CFAP90: variants seen among roughly 807,000 people sequenced by gnomAD.
CFAP90 encodes cilia and flagella associated protein 90.
At chr5:7,843,916 T>C in the CFAP90 span, among the ~76,000 whole-genome samples, 2 of 152,156 alleles carry the variant, frequency 1.3e-5, no homozygotes. Context: ...AAACATTAGA[T>C]ACGTATCTCG....
At chr5:7,840,837 T>C in the CFAP90 span, among the ~76,000 whole-genome samples, 2 of 151,924 alleles carry the variant, frequency 1.3e-5, no homozygotes, top group Non-Finnish European at 2.9e-5. Flanking sequence ...AAGGAGAAAT[T>C]TGGACATGAA....
the CFAP90 span, among the ~76,000 whole-genome samples, chr5:7,842,313 GA>G: frequency 0.65 from 92,762 of 142,168 alleles, 30,066 homozygotes; most frequent in African/African-American, 0.78. Flanking sequence ...CTACAAGAAA[GA>G]AAAAAAAAAA....
the CFAP90 span, among the ~76,000 whole-genome samples, chr5:7,844,689 T>C: frequency 2.6e-5 from 4 of 152,206 alleles, no homozygotes; most frequent in Admixed American, 1.3e-4. Flanking sequence ...TGGAAAGGCA[T>C]GTAAGCTTAT....
the CFAP90 span, chr5:7,831,948 C>T: frequency 1.6e-5 from 26 of 1,614,020 alleles, no homozygotes; most frequent in Middle Eastern, 4.9e-4. Context: ...CGGCCAAAGT[C>T]CCGGTTTAGG....
At chr5:7,848,327 C>A in the CFAP90 span, among the ~76,000 whole-genome samples, 1 of 152,138 alleles carries the variant, frequency 6.6e-6, no homozygotes, top group Admixed American at 6.5e-5. Context: ...TGCAAATGTC[C>A]CTTTTCCCCC....
At chr5:7,831,958 G>A in the CFAP90 span, 2 of 1,614,066 alleles carry the variant, frequency 1.2e-6, no homozygotes, top group Non-Finnish European at 1.7e-6. Flanking sequence ...CCCGGTTTAG[G>A]GGCTCAATGG....
the CFAP90 span, among the ~76,000 whole-genome samples, chr5:7,834,567 C>A: frequency 6.6e-6 from 1 of 152,150 alleles, no homozygotes; most frequent in Non-Finnish European, 1.5e-5. Flanking sequence ...TAGGCCTTCA[C>A]ATTCACTCAC....
At chr5:7,834,843 G>A in the CFAP90 span, among the ~76,000 whole-genome samples, 1 of 152,074 alleles carries the variant, frequency 6.6e-6, no homozygotes. Context: ...CTAGGTTTGT[G>A]TTAAGTACAC....
chr5:7,838,358 G>A, the CFAP90 span, among the ~76,000 whole-genome samples: 4 of 152,154 alleles, frequency 2.6e-5, no homozygotes, highest in Admixed American at 1.3e-4. Context: ...ACATGATAGA[G>A]AAATCTCGAT....
At chr5:7,843,338 A>T in the CFAP90 span, among the ~76,000 whole-genome samples, 1 of 152,226 alleles carries the variant, frequency 6.6e-6, no homozygotes, top group African/African-American at 2.4e-5. Context: ...TTTTGAAAAG[A>T]CAATACTCAA....
chr5:7,845,975 G>A, the CFAP90 span, among the ~76,000 whole-genome samples: 1 of 121,194 alleles, frequency 8.3e-6, no homozygotes, highest in Non-Finnish European at 1.8e-5. Context: ...CAGCAAACGA[G>A]GGTCAGGGAT....
chr5:7,838,354 T>C, the CFAP90 span, among the ~76,000 whole-genome samples: 1 of 152,212 alleles, frequency 6.6e-6, no homozygotes, highest in African/African-American at 2.4e-5. Flanking sequence ...TAAGACATGA[T>C]AGAGAAATCT....
the CFAP90 span, among the ~76,000 whole-genome samples, chr5:7,834,756 T>A: frequency 2.6e-5 from 4 of 152,220 alleles, no homozygotes; most frequent in Non-Finnish European, 4.4e-5. Context: ...ATTTTATACA[T>A]AACACACTGT....
chr5:7,845,688 T>A, the CFAP90 span, among the ~76,000 whole-genome samples: 1 of 152,170 alleles, frequency 6.6e-6, no homozygotes, highest in African/African-American at 2.4e-5. Context: ...AGAACACCGT[T>A]GAACGGAATC....
At chr5:7,832,090 G>A in the CFAP90 span, 53 of 1,521,478 alleles carry the variant, frequency 3.5e-5, no homozygotes, top group East Asian at 5.0e-4. Context: ...CAGCTCACCC[G>A]TGCATCCATC....
chr5:7,846,294 T>C, the CFAP90 span, among the ~76,000 whole-genome samples: 652 of 152,282 alleles, frequency 4.3e-3, 2 homozygotes, highest in African/African-American at 7.1e-3. Context: ...GTGTGTCACA[T>C]AGAAATAAAC....
chr5:7,838,097 T>C, the CFAP90 span, among the ~76,000 whole-genome samples: 1 of 152,220 alleles, frequency 6.6e-6, no homozygotes. Flanking sequence ...CCTGAATCAA[T>C]GGAGAATTGA....
the CFAP90 span, among the ~76,000 whole-genome samples, chr5:7,847,770 G>C: frequency 1.3e-5 from 2 of 152,130 alleles, no homozygotes; most frequent in Non-Finnish European, 2.9e-5. Flanking sequence ...TCCCAGGAAG[G>C]TGGAGACGTT....
the CFAP90 span, among the ~76,000 whole-genome samples, chr5:7,834,632 G>A: frequency 6.6e-6 from 1 of 151,896 alleles, no homozygotes. Flanking sequence ...CTTCATTCAT[G>A]GTAAGTAAAT....
Sources: gnomAD v4.1 joint callset for allele counts (sites outside exome capture counted in the v4.1 genomes callset) on GRCh38, gnomAD v4.1.1 for gene constraint, MANE v1.5 for transcripts, NCBI Gene and HGNC (gene_info 2026-07-23, HGNC 2026-07-21) for gene names.